Variants in AFF2 observed in about 807,000 individuals in gnomAD.
The protein encoded by AFF2 is ALF transcription elongation factor 2.
Under a neutral mutation model 76.9 loss-of-function variants are expected in AFF2, and 14 were observed. The observed-to-expected ratio is 0.18, with a 90% confidence interval of 0.12 to 0.28. The LOEUF is 0.28. Among genes scored for constraint, AFF2 ranks in the 10% least tolerant of loss-of-function variants. The pLI is 1.00. For missense variants in AFF2, 868 were observed against 1,001.1 expected, an observed-to-expected ratio of 0.87 and a Z score of 1.79; for synonymous variants, 398 against 366.7, an observed-to-expected ratio of 1.09 and a Z score of -0.98.
At position 148,625,040 on chromosome X, in the gene AFF2, G is replaced by A. The variant is rs138727870; in HGVS notation, c.48-26959G>A. 1.3e-3 allele frequency among the ~76,000 whole-genome samples: 149 copies of A among 110,575 alleles called. 2 individuals carry two copies. The East Asian group carries it at 0.041, about 31-fold the overall frequency. On this transcript the variant is annotated intron_variant, in intron 1 of 20. Coordinates refer to ENST00000370460, the MANE Select transcript of AFF2 (RefSeq NM_002025.4). ...CTAATTAGATGAGTTTGTCTCTTGTGAATCTATCTCTGCAGGCTTCTGTAC... is the reference window on the plus strand; with the variant it reads ...CTAATTAGATGAGTTTGTCTCTTGTAAATCTATCTCTGCAGGCTTCTGTAC...
At chrX:148,823,778 C>A (rs1463951043) in intron 4 of AFF2, among the ~76,000 whole-genome samples, 1 of 111,439 alleles carries the variant, frequency 9.0e-6, no homozygotes. Context: ...TAAGACAGAA[C>A]AAAAAATAAG....
At chrX:148,768,540 A>G (rs1178296115) in intron 3 of AFF2, among the ~76,000 whole-genome samples, 7 of 110,896 alleles carry the variant, frequency 6.3e-5, no homozygotes, top group Non-Finnish European at 9.5e-5. Flanking sequence ...AAATGTGTGC[A>G]TATGCATACA....
At chrX:148,739,851 G>T (rs142488778) in intron 3 of AFF2, among the ~76,000 whole-genome samples, 91 of 111,559 alleles carry the variant, frequency 8.2e-4, no homozygotes, top group Non-Finnish European at 1.1e-3. Context: ...TGGTAATGGC[G>T]AATTCTCTCA....
intron 19 of AFF2, among the ~76,000 whole-genome samples, chrX:148,984,346 G>A (rs1255201440): frequency 1.8e-5 from 2 of 111,109 alleles, no homozygotes; most frequent in Non-Finnish European, 3.8e-5. Flanking sequence ...GTGCTTCTGT[G>A]TGCATGCTCA....
chrX:148,821,546 G>A (rs2070328169), intron 4 of AFF2, among the ~76,000 whole-genome samples: 1 of 110,351 alleles, frequency 9.1e-6, no homozygotes, highest in Non-Finnish European at 1.9e-5. Context: ...TATCAAATGT[G>A]CCATCTCCTC....
intron 7 of AFF2, among the ~76,000 whole-genome samples, chrX:148,862,774 T>C (rs1557276525): frequency 8.9e-6 from 1 of 112,396 alleles, no homozygotes; most frequent in Non-Finnish European, 1.9e-5. Flanking sequence ...TTTTAATTAC[T>C]TTATTGACTT....
At chrX:148,681,234 G>T (rs995327911) in intron 3 of AFF2, among the ~76,000 whole-genome samples, 4 of 111,312 alleles carry the variant, frequency 3.6e-5, no homozygotes, top group Admixed American at 9.6e-5. Flanking sequence ...GAAATCACCG[G>T]ATCACACCAG....
chrX:148,876,994 C>T (rs977691881), intron 7 of AFF2, among the ~76,000 whole-genome samples: 6 of 111,846 alleles, frequency 5.4e-5, no homozygotes, highest in African/African-American at 2.0e-4. Flanking sequence ...GAACTCTAGC[C>T]TATACAACTG....
chrX:148,506,580 T>TTA (rs1287517579), intron 1 of AFF2, among the ~76,000 whole-genome samples: 211 of 107,819 alleles, frequency 2.0e-3, no homozygotes, highest in African/African-American at 4.5e-3. Context: ...GAATGGAAAA[T>TTA]TATATATATA....
intron 1 of AFF2, among the ~76,000 whole-genome samples, chrX:148,615,316 C>T (rs964337968): frequency 6.3e-5 from 7 of 111,972 alleles, no homozygotes; most frequent in African/African-American, 2.3e-4. Context: ...TGTCACTGGC[C>T]TTCTTGCACA....
intron 1 of AFF2, among the ~76,000 whole-genome samples, chrX:148,568,686 T>C (rs1329200638): frequency 8.9e-6 from 1 of 112,030 alleles, no homozygotes; most frequent in African/African-American, 3.2e-5. Context: ...AATATATTAG[T>C]TAGTGGTGGC....
chrX:148,553,747 C>T (rs1364229262), intron 1 of AFF2, among the ~76,000 whole-genome samples: 6 of 110,060 alleles, frequency 5.5e-5, no homozygotes, highest in African/African-American at 2.1e-4. Context: ...TTATTTCTTC[C>T]GTGTCCCCAG....
At chrX:148,673,236 A>G in intron 3 of AFF2, among the ~76,000 whole-genome samples, 1 of 112,443 alleles carries the variant, frequency 8.9e-6, no homozygotes, top group Middle Eastern at 4.6e-3. Flanking sequence ...AATGGGAGGC[A>G]TATTAGTTTC....
At chrX:148,932,118 C>A (rs1227943960) in intron 9 of AFF2, among the ~76,000 whole-genome samples, 1 of 111,958 alleles carries the variant, frequency 8.9e-6, no homozygotes, top group Non-Finnish European at 1.9e-5. Context: ...ATAGATGAGA[C>A]ATTCTCCAAG....
At chrX:148,719,223 A>G in intron 3 of AFF2, 1 of 1,146,182 alleles carries the variant, frequency 8.7e-7, no homozygotes, top group Admixed American at 2.6e-5. Context: ...GTCCTTCTTC[A>G]AGATGAAGGT....
At chrX:148,831,196 C>T (rs1370584101) in intron 4 of AFF2, among the ~76,000 whole-genome samples, 9 of 111,974 alleles carry the variant, frequency 8.0e-5, no homozygotes, top group African/African-American at 2.9e-4. Context: ...TTCAAACACA[C>T]ATGCTCTACA....
chrX:148,902,089 A>T (rs937440377), intron 8 of AFF2, among the ~76,000 whole-genome samples: 6 of 112,400 alleles, frequency 5.3e-5, no homozygotes, highest in Admixed American at 3.8e-4. Flanking sequence ...TTTCAAAGAA[A>T]CTGGCCTCAA....
At chrX:148,866,222 A>T (rs782552344) in intron 7 of AFF2, among the ~76,000 whole-genome samples, 9 of 112,288 alleles carry the variant, frequency 8.0e-5, no homozygotes, top group Non-Finnish European at 5.6e-5. Context: ...ACTTAGTAAG[A>T]TTCTTTGCCT....
At chrX:148,972,934 C>G (rs1557289699) in intron 15 of AFF2, among the ~76,000 whole-genome samples, 4 of 59,198 alleles carry the variant, frequency 6.8e-5, no homozygotes, top group Non-Finnish European at 3.2e-5. Context: ...TTTAATCCAT[C>G]TTGAATTGAT....
Sources: allele counts gnomAD v4.1 joint callset (sites outside exome capture counted in the v4.1 genomes callset), GRCh38; gene constraint gnomAD v4.1.1; transcripts MANE v1.5; gene names NCBI Gene and HGNC (gene_info 2026-07-23, HGNC 2026-07-21).